The following RBM23 variants were observed in gnomAD, a reference collection of about 807,000 sequenced individuals.
RBM23 encodes the protein probable RNA-binding protein 23.
In RBM23, 53 loss-of-function variants were observed where a neutral mutation model predicts 56.2. That is an observed-to-expected ratio of 0.94 (90% CI 0.76 to 1.19). The LOEUF (loss-of-function observed/expected upper bound fraction) is 1.19. Among genes scored for constraint, RBM23 ranks in the 50% most tolerant of loss-of-function variants. The pLI, the probability that RBM23 is intolerant of heterozygous loss-of-function variation, is 0.00. For missense variants in RBM23, 642 were observed against 590.3 expected (o/e 1.09, Z -0.91); for synonymous variants, 197 against 198.5 (o/e 0.99, Z 0.06).
Position 22,908,373 on chromosome 14 carries a change from T to C in RBM23, c.187A>G (p.Arg63Gly), listed in dbSNP as rs1198172584. The change falls in exon 4 of 14, where the codon AGG becomes GGG. Residue 63 changes from arginine (R) to glycine (G), a missense_variant. Arg to Gly is a moderately radical substitution (Grantham distance 125). Transcript: ENST00000359890. The part of the protein sequence containing the change: ...STIGETSKKK[R>G]SRSHNKSRDR... Reference sequence around the variant, plus strand: ...CTGCTTTTATTATGGCTCCGACTCCTCTTCTTCCTGTGAAAGAGAGTACAT... The same window carrying C: ...CTGCTTTTATTATGGCTCCGACTCCCCTTCTTCCTGTGAAAGAGAGTACAT... The C allele has an allele frequency of 6.5e-7, 1 of 1,548,752 alleles. No homozygotes were observed. Among genetic ancestry groups the C allele is most frequent in the Non-Finnish European group, 8.7e-7 (1 of 1,146,778 alleles).
chr14:22,910,605 G>A (rs772467340), intron 2 of RBM23, among the ~76,000 whole-genome samples: 38 of 151,978 alleles, frequency 2.5e-4, no homozygotes, highest in Middle Eastern at 3.2e-3. Context: ...AGGTGCAGTG[G>A]CTCACTCCTG....
intron 2 of RBM23, among the ~76,000 whole-genome samples, chr14:22,910,641 G>A (rs934184246): frequency 2.0e-5 from 3 of 152,024 alleles, no homozygotes; most frequent in African/African-American, 7.2e-5. Context: ...GGGAGGCCAA[G>A]GCAGATCGCT....
chr14:22,904,428 A>G (rs2041168096), intron 9 of RBM23, 102 bp from the exon 10 acceptor site: 2 of 1,047,152 alleles, frequency 1.9e-6, no homozygotes, highest in African/African-American at 1.6e-5. Flanking sequence ...CAGAGTCTCA[A>G]AAAGTCTCAC....
Position 22,910,151 on chromosome 14 carries a change from C to CAAAAAAAAAAAAAAAAAAAA in RBM23, c.67-576_67-557dup, listed in dbSNP as rs532892000. On this transcript the variant is annotated intron_variant, in intron 2 of 13. Coordinates refer to ENST00000359890, the MANE Select transcript of RBM23 (RefSeq NM_001077351.2). ...TGGGCAGCCTAGTGAGACTCTGTCT[C>CAAAAAAAAAAAAAAAAAAAA]AAAAAAAAAAAAAAAAAAAAAAAAA... Among the ~76,000 whole-genome samples, 21 of 16,704 alleles carry CAAAAAAAAAAAAAAAAAAAA rather than the reference C, an allele frequency of 1.3e-3. 4 individuals are homozygous for CAAAAAAAAAAAAAAAAAAAA. The highest frequency in any genetic ancestry group is 2.0e-3 in the Non-Finnish European group (18 of 8,958). The allele number at this position is 16,704 out of a possible 152,430, so 11.0% of individuals were successfully genotyped here.
Position 22,912,861 on chromosome 14 carries a change from G to C in RBM23, c.-10-1458C>G, listed in dbSNP as rs181542024. On this transcript the variant is annotated intron_variant, in intron 1 of 13. Transcript: ENST00000359890. The stretch of plus-strand genomic sequence containing the variant: ...CTAAAAATACAAAAATTAGCTGGAC[G>C]TGGTGGCACGCGCCTGTAGGCCCAG... Among the ~76,000 whole-genome samples, 799 of 151,852 alleles carry C rather than the reference G, an allele frequency of 5.3e-3. 2 individuals carry two copies. The highest frequency in any genetic ancestry group is 9.2e-3 in the Non-Finnish European group (628 of 67,924).
rs1385526621 is a variant in RBM23 at position 22,897,325 on chromosome 14, G to A, written c.*4405C>T. The A allele has an allele frequency of 6.6e-6, 1 of 152,136 alleles. No homozygotes were observed. The highest frequency in any genetic ancestry group is 1.5e-5 in the Non-Finnish European group (1 of 68,032). 9.4% of individuals were successfully genotyped at this position (152,136 alleles called of 1,614,324 possible). A position where few individuals can be genotyped will look rare whatever the true frequency, so the allele number is the denominator to read the frequency against. ...ATTTTATTTACTAAATAAAAGTAGA[G>A]TAAGATGACCCACAAGAGGACAAAG... On this transcript the variant is annotated 3_prime_UTR_variant, in exon 14 of 14. Coordinates refer to ENST00000359890, the MANE Select transcript of RBM23 (RefSeq NM_001077351.2).
chr14:22,904,061 C>T (rs1180524685), intron 10 of RBM23, 200 bp downstream of exon 10: 1 of 1,513,434 alleles, frequency 6.6e-7, no homozygotes. Context: ...ACCAGGGCCA[C>T]TGACAGAGTG....
In RBM23 at chr14:22,902,106, G is replaced by A; in HGVS notation, c.1127-7C>T. The A allele has an allele frequency of 6.2e-7, 1 of 1,606,604 alleles. No individual in the cohort carries two copies. The highest frequency in any genetic ancestry group is 8.5e-7 in the Non-Finnish European group (1 of 1,175,374). On this transcript the variant is annotated splice_polypyrimidine_tract_variant and splice_region_variant and intron_variant, in intron 11 of 13. Coordinates refer to ENST00000359890, the MANE Select transcript of RBM23 (RefSeq NM_001077351.2). ...GGCAGTTGGATTCCAGCGCCTAAAA[G>A]GAAAAGAAAAGGTGGGATTAAGCCC...
chr14:22,905,638 C>CAG lies in RBM23; in HGVS notation c.422_423insCT (p.Lys141AsnfsTer2). ...GGCTCTTCTCTCTGAAATGAGGACT[C>CAG]TTACTGTGTCCATACCTATAACTAA... On this transcript the variant is annotated frameshift_variant, in exon 6 of 14. Transcript: ENST00000359890. LOFTEE classifies it high-confidence loss of function. 1 of 1,609,624 alleles carries CAG rather than the reference C, an allele frequency of 6.2e-7. No homozygotes were observed. Among genetic ancestry groups the CAG allele is most frequent in the Non-Finnish European group, 8.5e-7 (1 of 1,175,824 alleles).
chr14:22,904,891 A>G lies in RBM23; in HGVS notation c.848T>C (p.Phe283Ser), dbSNP rs552925147. ...NITEDMLRGI[F>S]EPFGKIDNIV... ...TCTACTCACTTTACCAAAGGGCTCAAAGATGCCCCGGAGCATGTCTTCAGT... is the reference window on the plus strand; with the variant it reads ...TCTACTCACTTTACCAAAGGGCTCAGAGATGCCCCGGAGCATGTCTTCAGT... Residue 283 changes from phenylalanine to serine, a missense_variant, in exon 9 of 14, where the codon TTT becomes TCT. Transcript: ENST00000359890. 58 of 1,614,214 alleles carry G rather than the reference A, an allele frequency of 3.6e-5. No homozygotes were observed. In the East Asian group the frequency reaches 7.1e-4, roughly 20 times the overall value.
Position 22,902,756 on chromosome 14 carries a change from C to CCTTTTTTTTTTTTTTTTTTTTTTTTTT in RBM23, c.931-375_931-374insAAAAAAAAAAAAAAAAAAAAAAAAAAG, listed in dbSNP as rs1555336814. On this transcript the variant is annotated intron_variant, in intron 10 of 13. Coordinates refer to ENST00000359890, the MANE Select transcript of RBM23 (RefSeq NM_001077351.2). ...GTTCTCTATCCTAGTAAGTTTTAGT[C>CCTTTTTTTTTTTTTTTTTTTTTTTTTT]TTTTTTTTTTTTTTTTTTTTTTTTT... 22 of 432,480 alleles carry CCTTTTTTTTTTTTTTTTTTTTTTTTTT rather than the reference C, an allele frequency of 5.1e-5. 11 individuals are homozygous for CCTTTTTTTTTTTTTTTTTTTTTTTTTT. Among genetic ancestry groups the CCTTTTTTTTTTTTTTTTTTTTTTTTTT allele is most frequent in the African/African-American group, 1.3e-4 (4 of 31,410 alleles). The allele number at this position is 432,480 out of a possible 1,614,324, so 26.8% of individuals were successfully genotyped here.
In RBM23 at chr14:22,893,864, G is replaced by C. The variant is rs2040204767; in HGVS notation, c.*7866C>G. On this transcript the variant is annotated 3_prime_UTR_variant, in exon 14 of 14. Transcript: ENST00000359890. ...TCATCTATTTGAATATTGATGTCAA[G>C]TTTCCACAGCTTAGTGGCCTTGAAA... The C allele has an allele frequency of 6.6e-6, 1 of 152,144 alleles. No individual in the cohort carries two copies. 9.4% of individuals were successfully genotyped at this position (152,144 alleles called of 1,614,324 possible). A position where few individuals can be genotyped will look rare whatever the true frequency, so the allele number is the denominator to read the frequency against.
intron 4 of RBM23, among the ~76,000 whole-genome samples, chr14:22,906,761 G>A (rs868567544): frequency 1.3e-5 from 2 of 152,234 alleles, no homozygotes; most frequent in Non-Finnish European, 1.5e-5. Context: ...ACCCAGGGCT[G>A]GGCGCGGTGG....
At chr14:22,904,374 C>T in intron 9 of RBM23, 48 bp from the exon 10 acceptor site, 1 of 1,436,846 alleles carries the variant, frequency 7.0e-7, no homozygotes, top group Non-Finnish European at 9.7e-7. Context: ...TAGCCCACAT[C>T]TTCAATCTTT....
chr14:22,901,847 A>T lies in RBM23; in HGVS notation c.1283T>A (p.Phe428Tyr), dbSNP rs1242282859. ...GGGGGTAAAGAGGCTGGAGAGCTGGAAACACTGGGAGGCAAGGTTCAGGGC... is the reference window on the plus strand; with the variant it reads ...GGGGGTAAAGAGGCTGGAGAGCTGGTAACACTGGGAGGCAAGGTTCAGGGC... ...SPALNLASQCFQLSSLFTPQT... is the reference protein window; with the variant it reads ...SPALNLASQCYQLSSLFTPQT... The change falls in exon 13 of 14, where the codon TTC becomes TAC. Residue 428 changes from phenylalanine to tyrosine, a missense_variant. Phe to Tyr is a conservative substitution (Grantham distance 22). Coordinates refer to ENST00000359890, the MANE Select transcript of RBM23 (RefSeq NM_001077351.2). The T allele has an allele frequency of 6.2e-7, 1 of 1,614,224 alleles. No individual in the cohort carries two copies.
In RBM23 at chr14:22,904,933, G is replaced by A. The variant is rs1307027082; in HGVS notation, c.806C>T (p.Ser269Phe). 5.0e-6 allele frequency: 8 copies of A among 1,614,172 alleles called. No individual in the cohort carries two copies. The highest frequency in any genetic ancestry group is 5.9e-6 in the Non-Finnish European group (7 of 1,180,042). ...GTCTTCAGTGATATTGAAGTGCAGG[G>A]AACCCACATAGAGGCGCATTGGTCC... ...NGGPMRLYVG[S>F]LHFNITEDML... The change falls in exon 9 of 14, where the codon TCC becomes TTC. Residue 269 changes from serine (S) to phenylalanine (F), a missense_variant. Coordinates refer to ENST00000359890, the MANE Select transcript of RBM23 (RefSeq NM_001077351.2).
rs1448588670 is a variant in RBM23, at chr14:22,897,714, G to A, written c.*4016C>T. The A allele has an allele frequency of 1.3e-5, 2 of 152,216 alleles. No individual in the cohort carries two copies. Among genetic ancestry groups the A allele is most frequent in the Non-Finnish European group, 2.9e-5 (2 of 68,056 alleles). The allele number at this position is 152,216 out of a possible 1,614,324, so 9.4% of individuals were successfully genotyped here. ...ATAGGAAAAGTGACACTTCCTCACT[G>A]ACTCCAAGGCCTTGTCTTCCATGGT... On this transcript the variant is annotated 3_prime_UTR_variant, in exon 14 of 14. Coordinates refer to ENST00000359890, the MANE Select transcript of RBM23 (RefSeq NM_001077351.2).
chr14:22,916,392 G>T (rs910846340), intron 1 of RBM23, among the ~76,000 whole-genome samples: 1 of 151,212 alleles, frequency 6.6e-6, no homozygotes, highest in Admixed American at 6.6e-5. Context: ...CAGTAGCTGG[G>T]ACCACAGGTG....
rs747437175 is a variant in RBM23, at chr14:22,908,403, CTTT to C, written c.180-26_180-24del. 440 of 1,301,558 alleles carry C rather than the reference CTTT, an allele frequency of 3.4e-4. 2 individuals carry two copies. Among genetic ancestry groups the C allele is most frequent in the Non-Finnish European group, 4.4e-4 (421 of 956,696 alleles). The allele number at this position is 1,301,558 out of a possible 1,614,324, so 80.6% of individuals were successfully genotyped here. On this transcript the variant is annotated intron_variant, in intron 3 of 13. Transcript: ENST00000359890. Reference sequence around the variant, plus strand: ...TTCCTGTGAAAGAGAGTACATTCTTCTTTTTTTTTTTTTAATTTTGAGAAAGAA... The same window carrying C: ...TTCCTGTGAAAGAGAGTACATTCTTCTTTTTTTTTTAATTTTGAGAAAGAA...
Sources: gnomAD v4.1 joint callset for allele counts (sites outside exome capture counted in the v4.1 genomes callset) on GRCh38, gnomAD v4.1.1 for gene constraint, MANE v1.5 for transcripts, NCBI Gene and HGNC (gene_info 2026-07-23, HGNC 2026-07-21) for gene names.